PDE10A: variants seen among roughly 807,000 people sequenced by gnomAD.
PDE10A encodes phosphodiesterase 10A.
PDE10A carries 39 observed loss-of-function variants against 97.7 expected under a neutral mutation model. The ratio of observed to expected loss-of-function variants is 0.40; its 90% CI spans 0.31 to 0.52. The LOEUF is 0.52. PDE10A is among the 20% of genes least tolerant of loss of function. The probability of loss-of-function intolerance (pLI) is 0.56; values close to 1 mark genes in which losing one functional copy is unlikely to be tolerated. For synonymous variants in PDE10A, 371 were observed against 376.8 expected (o/e 0.98, Z 0.18); for missense variants, 731 against 1,047.8 (o/e 0.70, Z 4.17).
intron 1 of PDE10A, among the ~76,000 whole-genome samples, chr6:165,688,009 A>T (rs567364852): frequency 2.7e-4 from 41 of 151,966 alleles, no homozygotes; most frequent in Non-Finnish European, 5.4e-4. Flanking sequence ...CACGCCCAGA[A>T]CTCCTACCCG....
intron 2 of PDE10A, among the ~76,000 whole-genome samples, chr6:165,516,978 A>G (rs1227233212): frequency 6.6e-6 from 1 of 152,096 alleles, no homozygotes; most frequent in Non-Finnish European, 1.5e-5. Flanking sequence ...ATAATGTGCT[A>G]AAAAGTACAA....
intron 1 of PDE10A, among the ~76,000 whole-genome samples, chr6:165,856,339 G>A (rs962523510): frequency 6.6e-6 from 1 of 152,176 alleles, no homozygotes; most frequent in African/African-American, 2.4e-5. Flanking sequence ...ACTCTACGGT[G>A]TCACCAGCCC....
At chr6:165,544,241 G>A (rs1234495124) in intron 1 of PDE10A, among the ~76,000 whole-genome samples, 1 of 152,124 alleles carries the variant, frequency 6.6e-6, no homozygotes, top group African/African-American at 2.4e-5. Context: ...AAACCCAGTG[G>A]TATAACTAAT....
chr6:165,987,609 G>GA (rs1785261690), exon 1 of PDE10A: 44 of 417,416 alleles, frequency 1.1e-4, no homozygotes, highest in Non-Finnish European at 1.7e-4. Context: ...GTGAGAGAAA[G>GA]AAAAAGAAAA....
chr6:165,488,283 C>CTTT (rs1780033465), intron 2 of PDE10A, among the ~76,000 whole-genome samples: 2 of 152,080 alleles, frequency 1.3e-5, no homozygotes, highest in Non-Finnish European at 2.9e-5. Context: ...AAAGATAAAG[C>CTTT]ATCTTTGATC....
chr6:165,394,455 T>A lies in PDE10A; in HGVS notation c.2303+726A>T, dbSNP rs542785002. 1.1e-4 allele frequency among the ~76,000 whole-genome samples: 16 copies of A among 152,280 alleles called. No individual in the cohort carries two copies. The South Asian group carries it at 2.9e-3, about 28-fold the overall frequency. ...GTGTGTATGTGCCACATTTTCTTTA[T>A]CCAGTCTATCATTGATGGGCATTTG... On this transcript the variant is annotated intron_variant, in intron 15 of 21. Transcript: ENST00000539869.
rs552571449 is a variant in PDE10A at position 165,422,402 on chromosome 6, T to C, written c.1654-3625A>G. On this transcript the variant is annotated intron_variant, in intron 10 of 21. Coordinates refer to ENST00000539869, the MANE Select transcript of PDE10A (RefSeq NM_001385079.1). The stretch of plus-strand genomic sequence containing the variant: ...AGGCATACACACACGCATACACACA[T>C]ACGCATACACACATATGCATACACA... 2.4e-4 allele frequency among the ~76,000 whole-genome samples: 34 copies of C among 140,120 alleles called. No homozygotes were observed. In the South Asian group the frequency reaches 6.7e-3, roughly 28 times the overall value. The allele number at this position is 140,120 out of a possible 152,430, so 91.9% of individuals were successfully genotyped here. A position where few individuals can be genotyped will look rare whatever the true frequency, so the allele number is the denominator to read the frequency against.
chr6:165,680,712 TG>T (rs1331060829), intron 1 of PDE10A, among the ~76,000 whole-genome samples: 5 of 152,186 alleles, frequency 3.3e-5, no homozygotes, highest in African/African-American at 4.8e-5. Flanking sequence ...GAGACCAGCC[TG>T]GCCAACATGG....
At chr6:165,482,677 T>C (rs1232404917) in intron 2 of PDE10A, among the ~76,000 whole-genome samples, 1 of 152,156 alleles carries the variant, frequency 6.6e-6, no homozygotes, top group Non-Finnish European at 1.5e-5. Flanking sequence ...ACTTCAATAT[T>C]CTACACAATA....
At chr6:165,543,871 C>CGTGTGTGT (rs375765109) in intron 1 of PDE10A, among the ~76,000 whole-genome samples, 7 of 149,932 alleles carry the variant, frequency 4.7e-5, no homozygotes, top group African/African-American at 1.5e-4. Flanking sequence ...TTCATATATA[C>CGTGTGTGT]GTGTGTGTGT....
intron 2 of PDE10A, among the ~76,000 whole-genome samples, chr6:165,483,072 A>G (rs138386285): frequency 8.9e-4 from 135 of 152,326 alleles, no homozygotes; most frequent in Non-Finnish European, 1.7e-3. Context: ...AGTGTTGCAC[A>G]CACAGGTCAT....
chr6:165,574,598 G>C (rs1785210322), intron 1 of PDE10A, among the ~76,000 whole-genome samples: 1 of 152,146 alleles, frequency 6.6e-6, no homozygotes. Flanking sequence ...CATCACACTT[G>C]CTACTTGAAA....
intron 16 of PDE10A, among the ~76,000 whole-genome samples, chr6:165,391,651 C>A (rs550940353): frequency 6.6e-6 from 1 of 152,078 alleles, no homozygotes; most frequent in Non-Finnish European, 1.5e-5. Context: ...CTAAACTCCA[C>A]TTGAACTAAA....
At chr6:165,528,801 A>G (rs553558772) in intron 2 of PDE10A, among the ~76,000 whole-genome samples, 14 of 152,346 alleles carry the variant, frequency 9.2e-5, no homozygotes, top group Non-Finnish European at 1.8e-4. Flanking sequence ...GATTGATAGA[A>G]CAGTGGAATG....
chr6:165,514,457 G>T (rs2128303853), intron 2 of PDE10A, among the ~76,000 whole-genome samples: 1 of 152,330 alleles, frequency 6.6e-6, no homozygotes, highest in East Asian at 1.9e-4. Context: ...GTATCAGTGT[G>T]TAAACCTGCT....
intron 13 of PDE10A, 85 bp downstream of exon 13, chr6:165,413,416 A>C: frequency 1.1e-6 from 1 of 893,486 alleles, no homozygotes; most frequent in Non-Finnish European, 1.7e-6. Flanking sequence ...TAAATGAAAA[A>C]AAAAAAGCCC....
chr6:165,532,339 T>A (rs75236045), intron 2 of PDE10A, among the ~76,000 whole-genome samples: 1 of 151,630 alleles, frequency 6.6e-6, no homozygotes, highest in Non-Finnish European at 1.5e-5. Context: ...ATATCTAGTA[T>A]GTGCGTAACG....
intron 1 of PDE10A, among the ~76,000 whole-genome samples, chr6:165,951,785 C>G (rs1783970892): frequency 6.6e-6 from 1 of 152,222 alleles, no homozygotes; most frequent in Non-Finnish European, 1.5e-5. Flanking sequence ...CACATCTTCT[C>G]CATGCAAGTG....
chr6:165,635,096 G>C (rs972964864), intron 1 of PDE10A, among the ~76,000 whole-genome samples: 1 of 152,150 alleles, frequency 6.6e-6, no homozygotes, highest in East Asian at 1.9e-4. Flanking sequence ...TTAGTAAATT[G>C]AGTGGGCAAC....
Sources: allele counts gnomAD v4.1 joint callset (sites outside exome capture counted in the v4.1 genomes callset), GRCh38; gene constraint gnomAD v4.1.1; transcripts MANE v1.5; gene names NCBI Gene and HGNC (gene_info 2026-07-23, HGNC 2026-07-21).